The following HORMAD2 variants were observed in gnomAD, a reference collection of about 807,000 sequenced individuals.
The protein encoded by HORMAD2 is HORMA domain-containing protein 2.
In HORMAD2, 45 loss-of-function variants were observed where a neutral mutation model predicts 38.8. The ratio of observed to expected loss-of-function variants is 1.16; its 90% CI spans 0.91 to 1.49. HORMAD2 has a LOEUF of 1.49. Among genes scored for constraint, HORMAD2 ranks in the 40% most tolerant of loss-of-function variants. HORMAD2 has a pLI of 0.00. For synonymous variants in HORMAD2, 126 were observed against 122.8 expected (o/e 1.03, Z -0.17); for missense variants, 338 against 367.0 (o/e 0.92, Z 0.65).
At chr22:30,112,271 A>G (rs1205142533) in intron 6 of HORMAD2, among the ~76,000 whole-genome samples, 1 of 152,132 alleles carries the variant, frequency 6.6e-6, no homozygotes, top group Non-Finnish European at 1.5e-5. Context: ...TAGCTTAGTC[A>G]TGGTAATTAT....
At chr22:30,175,818 G>A (rs1190739802) in intron 10 of HORMAD2, among the ~76,000 whole-genome samples, 3 of 152,132 alleles carry the variant, frequency 2.0e-5, no homozygotes, top group African/African-American at 7.2e-5. Context: ...ATTCACTAGA[G>A]AGAGCCAAGA....
intron 5 of HORMAD2, 110 bp downstream of exon 5, chr22:30,104,547 G>T: frequency 2.5e-6 from 2 of 801,338 alleles, no homozygotes; most frequent in African/African-American, 3.6e-5. Flanking sequence ...AAGTGTCTAC[G>T]TTTGCATCCA....
rs146908873 is a variant in HORMAD2 at position 30,090,497 on chromosome 22, A to G, written c.-37-3419A>G. ...TTTGGCTAATATGAATTATGTGGCT[A>G]TGAGCATTGGTGTACAAGTATCTGT... On this transcript the variant is annotated intron_variant, in intron 1 of 10. Transcript: ENST00000336726. Among the ~76,000 whole-genome samples, 511 of 152,338 alleles carry G rather than the reference A, an allele frequency of 3.4e-3. 10 individuals are homozygous for G. Among genetic ancestry groups the G allele is most frequent in the African/African-American group, 0.012 (493 of 41,580 alleles).
chr22:30,094,904 T>C (rs1211728091), intron 2 of HORMAD2, among the ~76,000 whole-genome samples: 2 of 152,170 alleles, frequency 1.3e-5, no homozygotes, highest in Admixed American at 1.3e-4. Flanking sequence ...CATTGCACTG[T>C]CTTTTCCTAT....
chr22:30,181,069 A>T (rs1191793039), downstream of HORMAD2, among the ~76,000 whole-genome samples: 1 of 147,680 alleles, frequency 6.8e-6, no homozygotes. Context: ...TCATTCTATC[A>T]CCCAGGCTGG....
intron 10 of HORMAD2, among the ~76,000 whole-genome samples, chr22:30,153,280 T>C (rs1377031553): frequency 6.6e-6 from 1 of 152,162 alleles, no homozygotes; most frequent in Non-Finnish European, 1.5e-5. Context: ...TCCCACAGCC[T>C]CCTGGATCCT....
At chr22:30,106,426 T>C (rs1921202634) in intron 5 of HORMAD2, among the ~76,000 whole-genome samples, 1 of 152,136 alleles carries the variant, frequency 6.6e-6, no homozygotes, top group Admixed American at 6.6e-5. Flanking sequence ...CAGATAATGA[T>C]CATATGCAAT....
At chr22:30,178,751 TG>T (rs1362967848), downstream of HORMAD2, among the ~76,000 whole-genome samples, 1 of 152,238 alleles carries the variant, frequency 6.6e-6, no homozygotes, top group Non-Finnish European at 1.5e-5. Flanking sequence ...TTCATCAGTG[TG>T]ATCACAAAGA....
chr22:30,142,590 T>C (rs1444624512), intron 10 of HORMAD2, among the ~76,000 whole-genome samples: 1 of 152,162 alleles, frequency 6.6e-6, no homozygotes, highest in Non-Finnish European at 1.5e-5. Context: ...GACAGGTTGA[T>C]CCTTTTATTA....
chr22:30,174,070 GT>G (rs1263674179), intron 10 of HORMAD2, among the ~76,000 whole-genome samples: 2 of 152,182 alleles, frequency 1.3e-5, no homozygotes, highest in Non-Finnish European at 2.9e-5. Flanking sequence ...AGATACATAT[GT>G]GGATACTCTA....
the HORMAD2 span, among the ~76,000 whole-genome samples, chr22:30,183,646 G>A: frequency 6.6e-6 from 1 of 152,210 alleles, no homozygotes; most frequent in African/African-American, 2.4e-5. Context: ...CACACAGTTA[G>A]TACATAGCAA....
chr22:30,093,876 A>G (rs2068735026), intron 1 of HORMAD2, 40 bp from the exon 2 acceptor site: 6 of 999,888 alleles, frequency 6.0e-6, no homozygotes, highest in Non-Finnish European at 8.9e-6. Context: ...GAAGCATTAT[A>G]TTTGGCAAGG....
chr22:30,134,465 GTATATATA>G (rs1229305354), intron 10 of HORMAD2, among the ~76,000 whole-genome samples: 2 of 146,720 alleles, frequency 1.4e-5, no homozygotes, highest in Non-Finnish European at 3.0e-5. Context: ...TTATATATAT[GTATATATA>G]TACAATTAAC....
chr22:30,153,720 A>T (rs975777902), intron 10 of HORMAD2, among the ~76,000 whole-genome samples: 4 of 151,920 alleles, frequency 2.6e-5, no homozygotes, highest in Non-Finnish European at 5.9e-5. Context: ...TCACTTTCCT[A>T]TCATTAGTCA....
intron 10 of HORMAD2, among the ~76,000 whole-genome samples, chr22:30,125,005 T>G (rs909183588): frequency 1.3e-5 from 2 of 152,068 alleles, no homozygotes; most frequent in African/African-American, 4.8e-5. Flanking sequence ...TTTCTCTGAT[T>G]ATTTGTGTGT....
At chr22:30,088,154 T>C (rs1369226768) in intron 1 of HORMAD2, among the ~76,000 whole-genome samples, 1 of 131,262 alleles carries the variant, frequency 7.6e-6, no homozygotes, top group African/African-American at 3.0e-5. Context: ...CACATATGTA[T>C]ACACGTATAC....
intron 5 of HORMAD2, 80 bp from the exon 6 acceptor site, chr22:30,111,716 T>G: frequency 5.2e-6 from 6 of 1,157,540 alleles, no homozygotes. Context: ...TGAAATAATA[T>G]TTTAATTAGT....
At chr22:30,185,923 T>C in the HORMAD2 span, among the ~76,000 whole-genome samples, 1 of 151,824 alleles carries the variant, frequency 6.6e-6, no homozygotes. Context: ...ATAAAGGTCA[T>C]AATACTAAGA....
At chr22:30,179,181 T>C (rs1926601733), downstream of HORMAD2, among the ~76,000 whole-genome samples, 1 of 152,150 alleles carries the variant, frequency 6.6e-6, no homozygotes, top group South Asian at 2.1e-4. Context: ...CAAAATATTA[T>C]AATAAAATAA....
Sources: allele counts gnomAD v4.1 joint callset (sites outside exome capture counted in the v4.1 genomes callset), GRCh38; gene constraint gnomAD v4.1.1; transcripts MANE v1.5; gene names NCBI Gene and HGNC (gene_info 2026-07-23, HGNC 2026-07-21).